Variants in MS4A4E observed in about 807,000 individuals in gnomAD.
MS4A4E encodes membrane spanning 4-domains A4E.
MS4A4E carries 23 observed loss-of-function variants against 13.3 expected under a neutral mutation model. That is an observed-to-expected ratio of 1.73 (90% CI 1.25 to 2.45). MS4A4E has a LOEUF of 2.45. Among genes scored for constraint, MS4A4E ranks in the 30% most tolerant of loss-of-function variants. The probability of loss-of-function intolerance (pLI) is 0.00; values close to 1 mark genes in which losing one functional copy is unlikely to be tolerated. For missense variants in MS4A4E, 144 were observed against 131.2 expected (o/e 1.10, Z -0.48); for synonymous variants, 36 against 45.6 (o/e 0.79, Z 0.85).
At chr11:60,231,330 G>T (rs2084408797) in intron 1 of MS4A4E, among the ~76,000 whole-genome samples, 1 of 151,684 alleles carries the variant, frequency 6.6e-6, no homozygotes, top group Non-Finnish European at 1.5e-5. Flanking sequence ...TTAATAATAA[G>T]AAATAAATAA....
At chr11:60,209,720 C>T (rs1565118344) in intron 5 of MS4A4E, among the ~76,000 whole-genome samples, 1 of 152,160 alleles carries the variant, frequency 6.6e-6, no homozygotes, top group Non-Finnish European at 1.5e-5. Flanking sequence ...TTGGGCAGTA[C>T]ACTTATTTCT....
intron 3 of MS4A4E, among the ~76,000 whole-genome samples, chr11:60,223,467 G>C (rs954237395): frequency 6.6e-6 from 1 of 152,142 alleles, no homozygotes; most frequent in Admixed American, 6.6e-5. Context: ...TTCAGGAGAT[G>C]TGTGTGGGTT....
chr11:60,229,850 G>A, intron 2 of MS4A4E, 62 bp downstream of exon 2: 1 of 1,511,942 alleles, frequency 6.6e-7, no homozygotes, highest in South Asian at 1.2e-5. Context: ...TTGGGCATTA[G>A]CTCTGATCAA....
chr11:60,233,500 G>A (rs1207511814), intron 1 of MS4A4E, among the ~76,000 whole-genome samples: 1 of 152,192 alleles, frequency 6.6e-6, no homozygotes, highest in African/African-American at 2.4e-5. Context: ...GCCACAACTG[G>A]GTGAGTGAAC....
At chr11:60,209,897 G>C (rs886814256) in intron 5 of MS4A4E, among the ~76,000 whole-genome samples, 1 of 152,212 alleles carries the variant, frequency 6.6e-6, no homozygotes, top group African/African-American at 2.4e-5. Context: ...TGCATTCATT[G>C]CTTTTTTATT....
Position 60,243,015 on chromosome 11 carries a change from G to C in MS4A4E, c.-74C>G, listed in dbSNP as rs926225609. 56 of 1,514,636 alleles carry C rather than the reference G, an allele frequency of 3.7e-5. No individual in the cohort carries two copies. The highest frequency in any genetic ancestry group is 2.7e-6 in the Non-Finnish European group (3 of 1,115,000). The allele number at this position is 1,514,636 out of a possible 1,614,324, so 93.8% of individuals were successfully genotyped here. A position where few individuals can be genotyped will look rare whatever the true frequency, so the allele number is the denominator to read the frequency against. ...CTGATGAGTGCAGGGCTCTGGGCAA[G>C]TTCCTCAAAGTTCTTTGTTCCAGAC... On this transcript the variant is annotated 5_prime_UTR_variant, in exon 1 of 9. Coordinates refer to ENST00000651255, the MANE Select transcript of MS4A4E (RefSeq NM_001393391.1).
intron 3 of MS4A4E, among the ~76,000 whole-genome samples, chr11:60,221,408 C>T (rs2084268691): frequency 1.3e-5 from 2 of 152,104 alleles, no homozygotes; most frequent in Admixed American, 6.5e-5. Context: ...GCCTTCTCTC[C>T]CCCAGCCTGC....
chr11:60,228,825 G>A (rs2084374201), intron 2 of MS4A4E, among the ~76,000 whole-genome samples, 198 bp from the exon 3 acceptor site: 1 of 152,222 alleles, frequency 6.6e-6, no homozygotes, highest in East Asian at 1.9e-4. Flanking sequence ...TTAGGTGAAG[G>A]AAGGCAGTCT....
intron 3 of MS4A4E, among the ~76,000 whole-genome samples, chr11:60,217,158 A>G (rs2084206281): frequency 6.6e-6 from 1 of 152,170 alleles, no homozygotes; most frequent in African/African-American, 2.4e-5. Context: ...TGAGCCTCAA[A>G]TCTTCTAAGA....
At chr11:60,206,489 G>T (rs9735411) in intron 6 of MS4A4E, among the ~76,000 whole-genome samples, 1 of 97,572 alleles carries the variant, frequency 1.0e-5, no homozygotes, top group African/African-American at 4.5e-5. Flanking sequence ...ATATATATAT[G>T]TATATATATA....
intron 3 of MS4A4E, among the ~76,000 whole-genome samples, chr11:60,215,412 A>G (rs976796137): frequency 2.0e-5 from 3 of 151,358 alleles, no homozygotes; most frequent in Non-Finnish European, 3.0e-5. Context: ...TAATATTGAA[A>G]TATTCTAATA....
At chr11:60,205,126 T>TA (rs1414689498) in intron 7 of MS4A4E, among the ~76,000 whole-genome samples, 168 bp from the exon 8 acceptor site, 2 of 152,194 alleles carry the variant, frequency 1.3e-5, no homozygotes, top group Non-Finnish European at 2.9e-5. Context: ...CAATACTTTT[T>TA]ATCTTATCAT....
chr11:60,213,748 C>G (rs995785514), intron 4 of MS4A4E, among the ~76,000 whole-genome samples: 1 of 152,038 alleles, frequency 6.6e-6, no homozygotes, highest in African/African-American at 2.4e-5. Flanking sequence ...CCAGAAAAAC[C>G]CTTGTTGAGA....
At chr11:60,231,746 G>A (rs926840116) in intron 1 of MS4A4E, among the ~76,000 whole-genome samples, 1 of 152,100 alleles carries the variant, frequency 6.6e-6, no homozygotes, top group Non-Finnish European at 1.5e-5. Context: ...AACTATCAAA[G>A]TTAGTAGTAA....
At chr11:60,239,722 G>A (rs2084525920) in intron 1 of MS4A4E, among the ~76,000 whole-genome samples, 2 of 152,180 alleles carry the variant, frequency 1.3e-5, no homozygotes, top group Non-Finnish European at 2.9e-5. Context: ...TGATAATGGA[G>A]TTTATGAGGT....
intron 1 of MS4A4E, among the ~76,000 whole-genome samples, chr11:60,234,555 T>C (rs908764795): frequency 3.3e-5 from 5 of 152,078 alleles, no homozygotes; most frequent in African/African-American, 4.8e-5. Flanking sequence ...CTCTCTCTCT[T>C]TGCTTTGTGC....
chr11:60,202,790 C>T (rs1439095390), intron 8 of MS4A4E, among the ~76,000 whole-genome samples: 3 of 152,184 alleles, frequency 2.0e-5, no homozygotes, highest in Non-Finnish European at 4.4e-5. Context: ...AGAAAAAGAT[C>T]CACTACTTTA....
chr11:60,226,672 C>T (rs1365938132), intron 3 of MS4A4E, among the ~76,000 whole-genome samples: 4 of 152,142 alleles, frequency 2.6e-5, no homozygotes, highest in Non-Finnish European at 5.9e-5. Flanking sequence ...AATAAAACTA[C>T]AGCTAACTTC....
chr11:60,239,107 C>T (rs2084517986), intron 1 of MS4A4E, among the ~76,000 whole-genome samples: 1 of 152,208 alleles, frequency 6.6e-6, no homozygotes, highest in South Asian at 2.1e-4. Flanking sequence ...CTTCTATTCG[C>T]CAGACTAGTG....
Sources: gnomAD v4.1 joint callset for allele counts (sites outside exome capture counted in the v4.1 genomes callset) on GRCh38, gnomAD v4.1.1 for gene constraint, MANE v1.5 for transcripts, NCBI Gene and HGNC (gene_info 2026-07-23, HGNC 2026-07-21) for gene names.